EDA: variants seen among roughly 807,000 people sequenced by gnomAD.
EDA encodes ectodysplasin-A.
A neutral mutation model predicts 23.6 loss-of-function variants in EDA; 2 were observed. That is an observed-to-expected ratio of 0.08 (90% confidence interval 0.03 to 0.27). EDA has a LOEUF of 0.27. Ranked by LOEUF, EDA falls within the 10% of genes least tolerant of loss-of-function variation. The probability of loss-of-function intolerance (pLI) is 1.00; values close to 1 mark genes in which losing one functional copy is unlikely to be tolerated. For missense variants in EDA, 229 were observed against 324.2 expected (o/e 0.71, Z 2.26); for synonymous variants, 131 against 132.0 (o/e 0.99, Z 0.05).
At chrX:69,951,036 A>G (rs1162477051) in intron 1 of EDA, among the ~76,000 whole-genome samples, 1 of 106,993 alleles carries the variant, frequency 9.3e-6, no homozygotes, top group Non-Finnish European at 1.9e-5. Context: ...GCACATGTAT[A>G]CATATGTAAC....
Position 69,998,270 on chromosome X carries a change from GA to G in EDA, c.503-24947del, listed in dbSNP as rs1440990013. Among the ~76,000 whole-genome samples, 3 of 112,548 alleles carry G rather than the reference GA, an allele frequency of 2.7e-5. No homozygotes were observed. The East Asian group carries it at 8.5e-4, about 32-fold the overall frequency. The stretch of plus-strand genomic sequence containing the variant: ...TTGCATCAGCTGGATATGAGACATG[GA>G]GTCAAAGGAGATCATTTCGGTACTT... On this transcript the variant is annotated intron_variant, in intron 2 of 7. Transcript: ENST00000374552.
chrX:69,623,751 G>A (rs779620130), intron 1 of EDA, among the ~76,000 whole-genome samples: 6 of 105,911 alleles, frequency 5.7e-5, no homozygotes, highest in Admixed American at 2.1e-4. Flanking sequence ...AGATATTGCC[G>A]TGTCTCTATT....
intron 1 of EDA, among the ~76,000 whole-genome samples, chrX:69,939,476 G>GT (rs752766844): frequency 4.5e-5 from 5 of 110,730 alleles, no homozygotes; most frequent in African/African-American, 6.6e-5. Context: ...AGTTCTAATT[G>GT]TTTTTTTGGT....
At chrX:69,704,553 GT>G (rs1443168698) in intron 1 of EDA, among the ~76,000 whole-genome samples, 1 of 108,435 alleles carries the variant, frequency 9.2e-6, no homozygotes, top group Non-Finnish European at 1.9e-5. Context: ...ACTTGAACTA[GT>G]TTTCAGGTTA....
chrX:69,815,583 C>A (rs1221269164), intron 1 of EDA, among the ~76,000 whole-genome samples: 1 of 111,936 alleles, frequency 8.9e-6, no homozygotes, highest in Non-Finnish European at 1.9e-5. Flanking sequence ...CAGAGTGCTT[C>A]TTTAATTGGG....
intron 1 of EDA, among the ~76,000 whole-genome samples, chrX:69,742,642 C>G (rs2013493624): frequency 9.0e-6 from 1 of 111,645 alleles, no homozygotes; most frequent in African/African-American, 3.3e-5. Flanking sequence ...AGTCATTCCC[C>G]ATATTGTTTT....
At chrX:69,797,149 G>C (rs933540017) in intron 1 of EDA, among the ~76,000 whole-genome samples, 1 of 111,158 alleles carries the variant, frequency 9.0e-6, no homozygotes, top group African/African-American at 3.3e-5. Context: ...AAAAGGGTTA[G>C]AAAATGCATT....
At chrX:69,770,031 T>A (rs1290554606) in intron 1 of EDA, among the ~76,000 whole-genome samples, 2 of 111,867 alleles carry the variant, frequency 1.8e-5, no homozygotes, top group Non-Finnish European at 3.8e-5. Flanking sequence ...CCTTTTGAGA[T>A]TCGCCGTTTT....
intron 1 of EDA, among the ~76,000 whole-genome samples, chrX:69,927,963 TA>T (rs1437779709): frequency 9.0e-6 from 1 of 111,391 alleles, no homozygotes; most frequent in African/African-American, 3.3e-5. Context: ...TTTTAAATGT[TA>T]GGGGGGAAGA....
intron 1 of EDA, among the ~76,000 whole-genome samples, chrX:69,700,151 G>T (rs2011493662): frequency 9.0e-6 from 1 of 110,899 alleles, no homozygotes; most frequent in South Asian, 3.9e-4. Flanking sequence ...GGGTGTTGCA[G>T]TCTCTTTGAG....
chrX:69,905,775 C>A (rs977267118), intron 1 of EDA, among the ~76,000 whole-genome samples: 1 of 111,301 alleles, frequency 9.0e-6, no homozygotes, highest in African/African-American at 3.3e-5. Flanking sequence ...CTAGCCCCTC[C>A]GAACCTAAGG....
chrX:69,618,410 T>C (rs1033096154), intron 1 of EDA, among the ~76,000 whole-genome samples: 2 of 112,219 alleles, frequency 1.8e-5, no homozygotes, highest in African/African-American at 6.5e-5. Flanking sequence ...CTGTCTTTTA[T>C]TCTTTCTGTT....
At chrX:69,747,854 G>A (rs2013671647) in intron 1 of EDA, among the ~76,000 whole-genome samples, 1 of 111,720 alleles carries the variant, frequency 9.0e-6, no homozygotes, top group African/African-American at 3.3e-5. Flanking sequence ...GTGAGACAGC[G>A]ATTTGGAAAA....
intron 1 of EDA, among the ~76,000 whole-genome samples, chrX:69,880,983 C>T (rs1233166036): frequency 9.0e-6 from 1 of 111,390 alleles, no homozygotes; most frequent in African/African-American, 3.3e-5. Flanking sequence ...ATTTGGGCAA[C>T]TCTAACTTCC....
At chrX:70,010,853 C>T (rs2019865746) in intron 2 of EDA, among the ~76,000 whole-genome samples, 1 of 110,957 alleles carries the variant, frequency 9.0e-6, no homozygotes, top group Non-Finnish European at 1.9e-5. Flanking sequence ...CATCAGATCT[C>T]GTGAGACTTA....
chrX:69,689,214 T>A (rs764495235), intron 1 of EDA, among the ~76,000 whole-genome samples: 53 of 110,643 alleles, frequency 4.8e-4, no homozygotes, highest in African/African-American at 1.2e-3. Flanking sequence ...TCTTCTTTTT[T>A]TTTATTTATT....
chrX:69,960,856 C>CA (rs35976010), intron 2 of EDA, among the ~76,000 whole-genome samples: 1,829 of 92,038 alleles, frequency 0.02, 22 homozygotes, highest in African/African-American at 0.037. Flanking sequence ...ACCAAAAATA[C>CA]AAAAAAAAAA....
At chrX:69,996,313 T>A (rs1005578434) in intron 2 of EDA, among the ~76,000 whole-genome samples, 3 of 111,977 alleles carry the variant, frequency 2.7e-5, no homozygotes, top group African/African-American at 6.5e-5. Flanking sequence ...GCACTGCCCA[T>A]GTGTTCTAGT....
At chrX:69,784,662 G>T (rs1176918425) in intron 1 of EDA, among the ~76,000 whole-genome samples, 3 of 106,803 alleles carry the variant, frequency 2.8e-5, no homozygotes, top group Non-Finnish European at 3.9e-5. Context: ...TCTCTGTTTT[G>T]GTACCAGTAC....
Sources: gnomAD v4.1 joint callset for allele counts (sites outside exome capture counted in the v4.1 genomes callset) on GRCh38, gnomAD v4.1.1 for gene constraint, MANE v1.5 for transcripts, NCBI Gene and HGNC (gene_info 2026-07-23, HGNC 2026-07-21) for gene names.